DNALI1: variants seen among roughly 807,000 people sequenced by gnomAD.
DNALI1 encodes dynein axonemal light intermediate chain 1.
DNALI1 carries 31 observed loss-of-function variants against 33.9 expected under a neutral mutation model. The observed-to-expected ratio is 0.91, with a 90% CI of 0.69 to 1.23. The LOEUF (loss-of-function observed/expected upper bound fraction) is 1.23, where lower values mean the gene tolerates loss of function less well. Ranked by LOEUF, DNALI1 falls within the 50% of genes most tolerant of loss-of-function variation. The pLI is 0.00. For synonymous variants in DNALI1, 117 were observed against 129.2 expected (o/e 0.91, Z 0.64); for missense variants, 305 against 323.8 (o/e 0.94, Z 0.44).
chr1:37,562,315 G>T lies in DNALI1; in HGVS notation c.741+70G>T. The T allele has an allele frequency of 3.9e-6, 6 of 1,539,634 alleles. No homozygotes were observed. Among genetic ancestry groups the T allele is most frequent in the Non-Finnish European group, 5.3e-6 (6 of 1,141,342 alleles). On this transcript the variant is annotated intron_variant, in intron 5 of 5. Transcript: ENST00000652629. This position sits in a 1 kb window ranked among gnomAD's most constrained non-coding sequence, Gnocchi z 5.8. The stretch of plus-strand genomic sequence containing the variant: ...ACCCAGCCCCACAGGCCAGGCATTC[G>T]GTTCCTTTTCCATGGCTTTTAAATG...
chr1:37,557,057 G>C lies in DNALI1; in HGVS notation c.63G>C (p.Thr21=), dbSNP rs760638877. Residue 21 remains threonine, a synonymous_variant, in exon 1 of 6, where the codon ACG becomes ACC. Coordinates refer to ENST00000652629, the MANE Select transcript of DNALI1 (RefSeq NM_003462.5). ...CCCCAGTGCTGGTGAGCCGGAACAC[G>C]GAGAAACGGAGCCCCAAGGTAAAGA... ...YDTPVLVSRN[T]EKRSPKARLL... The C allele has an allele frequency of 2.4e-5, 38 of 1,614,224 alleles. No individual in the cohort carries two copies. Among genetic ancestry groups the C allele is most frequent in the Non-Finnish European group, 3.1e-5 (36 of 1,180,036 alleles).
At chr1:37,557,888 G>A in intron 2 of DNALI1, 140 bp downstream of exon 2, 1 of 1,210,194 alleles carries the variant, frequency 8.3e-7, no homozygotes, top group South Asian at 1.4e-5. Context: ...ACTTACATAT[G>A]GCTGGATCCT....
chr1:37,557,536 C>T, intron 1 of DNALI1, 67 bp from the exon 2 acceptor site: 1 of 1,546,724 alleles, frequency 6.5e-7, no homozygotes, highest in Non-Finnish European at 8.7e-7. Context: ...GAGCAATATA[C>T]AGGTTGGGGA....
At position 37,559,611 on chromosome 1, in the gene DNALI1, T is replaced by A; in HGVS notation, c.397+115T>A. 1.6e-6 allele frequency: 2 copies of A among 1,215,232 alleles called. No individual in the cohort carries two copies. Among genetic ancestry groups the A allele is most frequent in the Non-Finnish European group, 2.1e-6 (2 of 934,660 alleles). 75.3% of individuals were successfully genotyped at this position (1,215,232 alleles called of 1,614,324 possible). ...AGCTGGAGCCCATCTCATGCTGGAA[T>A]CCCCTCTTCTCCCCCTGCCTGACCC... On this transcript the variant is annotated intron_variant, in intron 3 of 5. Transcript: ENST00000652629. The surrounding 1 kb of genome is among the most constrained non-coding windows in gnomAD (Gnocchi z 5.3).
Position 37,559,333 on chromosome 1 carries a change from G to A in DNALI1, c.234G>A (p.Trp78Ter), listed in dbSNP as rs1291185751. 1.2e-6 allele frequency: 2 copies of A among 1,602,050 alleles called. No homozygotes were observed. The highest frequency in any genetic ancestry group is 2.7e-5 in the African/African-American group (2 of 74,630). Reference sequence around the variant, plus strand: ...CTCGCTGTGTCTGCCACAGGGAGTGGGTGGAAGACACGCAGCTATGGATCC... The same window carrying A: ...CTCGCTGTGTCTGCCACAGGGAGTGAGTGGAAGACACGCAGCTATGGATCC... ...ILNAILPPRE[W>*]VEDTQLWIQQ... Residue 78 changes from tryptophan to a stop codon, truncating the protein, a stop_gained, in exon 3 of 6, where the codon TGG becomes TGA. Coordinates refer to ENST00000652629, the MANE Select transcript of DNALI1 (RefSeq NM_003462.5). LOFTEE classifies it high-confidence loss of function. The surrounding 1 kb of genome is among the most constrained non-coding windows in gnomAD (Gnocchi z 5.3).
rs115140132 is a variant in DNALI1 at position 37,561,260 on chromosome 1, A to G, written c.398-297A>G. 894 of 341,292 alleles carry G rather than the reference A, an allele frequency of 2.6e-3. 8 individuals are homozygous for G. Among genetic ancestry groups the G allele is most frequent in the African/African-American group, 0.017 (828 of 48,756 alleles). The allele number at this position is 341,292 out of a possible 1,614,324, so 21.1% of individuals were successfully genotyped here. Reference sequence around the variant, plus strand: ...GTAACCAGTTTTTACCTAAGGCAGGAAGGGAGGGGACCCAGTGCTGTAAAC... The same window carrying G: ...GTAACCAGTTTTTACCTAAGGCAGGGAGGGAGGGGACCCAGTGCTGTAAAC... On this transcript the variant is annotated intron_variant, in intron 3 of 5. Coordinates refer to ENST00000652629, the MANE Select transcript of DNALI1 (RefSeq NM_003462.5). The surrounding 1 kb of genome is among the most constrained non-coding windows in gnomAD (Gnocchi z 4.6).
At chr1:37,563,159 A>G (rs1643459981) in intron 5 of DNALI1, among the ~76,000 whole-genome samples, 1 of 152,194 alleles carries the variant, frequency 6.6e-6, no homozygotes, top group South Asian at 2.1e-4. Context: ...TCAGATAGAA[A>G]CCTTACAATC....
chr1:37,557,348 G>C (rs1224736432), intron 1 of DNALI1, among the ~76,000 whole-genome samples: 2 of 152,176 alleles, frequency 1.3e-5, no homozygotes, highest in African/African-American at 2.4e-5. Context: ...AAGAACAGAT[G>C]ACTAGGTAGT....
In DNALI1 at chr1:37,561,703, G is replaced by T. The variant is rs1643441616; in HGVS notation, c.544G>T (p.Ala182Ser). The change falls in exon 4 of 6, where the codon GCT becomes TCT. Residue 182 changes from alanine to serine, a missense_variant. Ala to Ser is a moderately conservative substitution (Grantham distance 99, BLOSUM62 1). Coordinates refer to ENST00000652629, the MANE Select transcript of DNALI1 (RefSeq NM_003462.5). The surrounding 1 kb of genome is among the most constrained non-coding windows in gnomAD (Gnocchi z 4.6). ...GTTTGGCATGAGGAAGGCACTGCAG[G>T]CTGAGCAGGGGAAGTCAGACATGGA... ...VAFGMRKALQ[A>S]EQGKSDMERK... The T allele has an allele frequency of 5.6e-6, 9 of 1,614,120 alleles. No homozygotes were observed. The highest frequency in any genetic ancestry group is 7.6e-6 in the Non-Finnish European group (9 of 1,179,976).
Position 37,565,020 on chromosome 1 carries a change from T to C in DNALI1, c.742-6T>C. 6.2e-7 allele frequency: 1 copy of C among 1,614,196 alleles called. No homozygotes were observed. The highest frequency in any genetic ancestry group is 1.1e-5 in the South Asian group (1 of 91,088). ...AGTATTAATGGAGCTTGTTTTTGTTTTTCAGGCCCAACTGGAAGGCATTAT... is the reference window on the plus strand; with the variant it reads ...AGTATTAATGGAGCTTGTTTTTGTTCTTCAGGCCCAACTGGAAGGCATTAT... On this transcript the variant is annotated splice_region_variant and splice_polypyrimidine_tract_variant and intron_variant, in intron 5 of 5. Transcript: ENST00000652629.
At chr1:37,564,523 C>T (rs1339354070) in intron 5 of DNALI1, among the ~76,000 whole-genome samples, 1 of 152,044 alleles carries the variant, frequency 6.6e-6, no homozygotes, top group Non-Finnish European at 1.5e-5. Context: ...GCTGGGACTA[C>T]AGACGCCTGC....
rs1643455358 is a variant in DNALI1, at chr1:37,562,686, T to G, written c.741+441T>G. Among the ~76,000 whole-genome samples the G allele has an allele frequency of 6.6e-6, 1 of 152,100 alleles. No homozygotes were observed. The highest frequency in any genetic ancestry group is 1.5e-5 in the Non-Finnish European group (1 of 68,020). On this transcript the variant is annotated intron_variant, in intron 5 of 5. Transcript: ENST00000652629. This position sits in a 1 kb window ranked among gnomAD's most constrained non-coding sequence, Gnocchi z 5.8. ...AAGAAGTCAAAGGGCAGCAGGGCCC[T>G]TTGAGAGGAAGAACCATTTCAAATC...
chr1:37,566,621 G>C lies in DNALI1; in HGVS notation c.*1560G>C. On this transcript the variant is annotated 3_prime_UTR_variant, in exon 6 of 6. Coordinates refer to ENST00000652629, the MANE Select transcript of DNALI1 (RefSeq NM_003462.5). ...CTGTCAGACAGTTATATGACAGGGT[G>C]ACTGTGGAACCTCTTAGTTCATCCA... 2.0e-6 allele frequency: 1 copy of C among 497,020 alleles called. No homozygotes were observed. The highest frequency in any genetic ancestry group is 3.5e-6 in the Non-Finnish European group (1 of 282,782). The allele number at this position is 497,020 out of a possible 1,614,324, so 30.8% of individuals were successfully genotyped here.
rs1306602606 is a variant in DNALI1 at position 37,566,422 on chromosome 1, TGTA to T, written c.*1364_*1366del. 2 of 156,720 alleles carry T rather than the reference TGTA, an allele frequency of 1.3e-5. No homozygotes were observed. Among genetic ancestry groups the T allele is most frequent in the African/African-American group, 4.8e-5 (2 of 41,516 alleles). The allele number at this position is 156,720 out of a possible 1,614,324, so 9.7% of individuals were successfully genotyped here. Reference sequence around the variant, plus strand: ...ACAGACTCAATGAGGCAGAAATTATTGTAGTTTTCTCCTATTTCTTCTGCACCC... The same window carrying T: ...ACAGACTCAATGAGGCAGAAATTATTGTTTTCTCCTATTTCTTCTGCACCC... On this transcript the variant is annotated 3_prime_UTR_variant, in exon 6 of 6. Coordinates refer to ENST00000652629, the MANE Select transcript of DNALI1 (RefSeq NM_003462.5).
intron 5 of DNALI1, among the ~76,000 whole-genome samples, chr1:37,564,708 C>T (rs903634635): frequency 6.6e-6 from 1 of 152,172 alleles, no homozygotes; most frequent in African/African-American, 2.4e-5. Context: ...ACTTAGCAGA[C>T]ATATTCTGGC....
At chr1:37,558,453 T>C (rs4653300) in intron 2 of DNALI1, among the ~76,000 whole-genome samples, 82,570 of 152,102 alleles carry the variant, frequency 0.54, 23,396 homozygotes, top group East Asian at 0.63. Context: ...GAAACTCTTT[T>C]GTGGCTTCCC....
intron 1 of DNALI1, 31 bp downstream of exon 1, chr1:37,557,106 C>A: frequency 1.2e-6 from 2 of 1,613,772 alleles, no homozygotes; most frequent in Non-Finnish European, 1.7e-6. Context: ...GACAAAGGAG[C>A]CTCGAAACTC....
At chr1:37,557,497 GA>G in intron 1 of DNALI1, 105 bp from the exon 2 acceptor site, 2 of 1,451,998 alleles carry the variant, frequency 1.4e-6, no homozygotes, top group Non-Finnish European at 1.8e-6. Context: ...AGTAGGCTAG[GA>G]AGAGGGGAGG....
chr1:37,561,772 T>G lies in DNALI1; in HGVS notation c.576+37T>G. ...TTACCGTGACCCTTGGTCCCATCTC[T>G]TCTGTAAACCTCAGGGCCACATGCT... On this transcript the variant is annotated intron_variant, in intron 4 of 5. Transcript: ENST00000652629. The surrounding 1 kb of genome is among the most constrained non-coding windows in gnomAD (Gnocchi z 4.6). 3 of 1,596,784 alleles carry G rather than the reference T, an allele frequency of 1.9e-6. No individual in the cohort carries two copies. The highest frequency in any genetic ancestry group is 2.3e-5 in the East Asian group (1 of 44,400).
Sources: gnomAD v4.1 joint callset for allele counts (sites outside exome capture counted in the v4.1 genomes callset) on GRCh38, gnomAD v4.1.1 for gene constraint, Gnocchi (gnomAD v3.1) non-coding constraint, MANE v1.5 for transcripts, NCBI Gene and HGNC (gene_info 2026-07-23, HGNC 2026-07-21) for gene names.